TTC28: variants seen among roughly 807,000 people sequenced by gnomAD.
The protein encoded by TTC28 is tetratricopeptide repeat protein 28.
In TTC28, 61 loss-of-function variants were observed where a neutral mutation model predicts 198.0. The observed-to-expected ratio is 0.31, with a 90% CI of 0.25 to 0.38. TTC28 has a LOEUF of 0.38. TTC28 is among the 10% of genes least tolerant of loss of function. The probability of loss-of-function intolerance (pLI) is 1.00; values close to 1 mark genes in which losing one functional copy is unlikely to be tolerated. For missense variants in TTC28, 2,678 were observed against 3,164.0 expected (o/e 0.85, Z 3.69); for synonymous variants, 1,171 against 1,297.8 (o/e 0.90, Z 2.10).
intron 2 of TTC28, among the ~76,000 whole-genome samples, chr22:28,616,784 C>A (rs1472505011): frequency 6.6e-6 from 1 of 151,692 alleles, no homozygotes; most frequent in Non-Finnish European, 1.5e-5. Flanking sequence ...GATGTAGAGG[C>A]TGCAGTGGGC....
chr22:28,215,366 C>A (rs1458299249), intron 5 of TTC28, among the ~76,000 whole-genome samples: 1 of 152,178 alleles, frequency 6.6e-6, no homozygotes, highest in East Asian at 1.9e-4. Context: ...TTCACTACTG[C>A]AACCTCTGTG....
At chr22:28,205,594 A>G (rs934024311) in intron 5 of TTC28, among the ~76,000 whole-genome samples, 11 of 152,170 alleles carry the variant, frequency 7.2e-5, no homozygotes, top group Admixed American at 6.5e-4. Context: ...CTATTTGGCT[A>G]GTATGAATTA....
chr22:28,099,613 T>C (rs1159931243), intron 9 of TTC28, among the ~76,000 whole-genome samples: 1 of 152,214 alleles, frequency 6.6e-6, no homozygotes, highest in African/African-American at 2.4e-5. Context: ...ACAGTTTATA[T>C]AATCGATTTT....
At chr22:28,389,692 C>G (rs1442897216) in intron 2 of TTC28, among the ~76,000 whole-genome samples, 2 of 149,690 alleles carry the variant, frequency 1.3e-5, no homozygotes, top group Non-Finnish European at 3.0e-5. Context: ...GGTGATATCC[C>G]CTTTATCATT....
intron 5 of TTC28, among the ~76,000 whole-genome samples, chr22:28,164,590 G>A (rs1248045060): frequency 6.6e-6 from 1 of 152,190 alleles, no homozygotes; most frequent in Non-Finnish European, 1.5e-5. Flanking sequence ...GGTCCTGACT[G>A]TTAGAAGGAA....
intron 22 of TTC28, 77 bp from the exon 23 acceptor site, chr22:27,983,928 ATC>A (rs1268990104): frequency 7.1e-7 from 1 of 1,405,548 alleles, no homozygotes; most frequent in Non-Finnish European, 9.5e-7. Context: ...AATTTACGAC[ATC>A]TTTATATGCA....
intron 2 of TTC28, among the ~76,000 whole-genome samples, chr22:28,450,673 G>C (rs1290448943): frequency 6.6e-6 from 1 of 152,058 alleles, no homozygotes; most frequent in Non-Finnish European, 1.5e-5. Flanking sequence ...GGGCTGCAAA[G>C]TACCAGAAAT....
chr22:28,169,905 T>TA (rs201421741), intron 5 of TTC28, among the ~76,000 whole-genome samples: 12 of 150,198 alleles, frequency 8.0e-5, no homozygotes, highest in Non-Finnish European at 1.0e-4. Flanking sequence ...ATCATACTCT[T>TA]AAAAAAAAAA....
At chr22:28,192,283 A>G (rs912379771) in intron 5 of TTC28, among the ~76,000 whole-genome samples, 11 of 152,168 alleles carry the variant, frequency 7.2e-5, no homozygotes, top group African/African-American at 2.4e-4. Context: ...CCAAAACCCC[A>G]TCTGTATGTC....
At chr22:28,245,459 A>G (rs1930013952) in intron 5 of TTC28, among the ~76,000 whole-genome samples, 1 of 152,190 alleles carries the variant, frequency 6.6e-6, no homozygotes. Context: ...CCAGTTTTAT[A>G]GATGAGGAGG....
chr22:28,426,921 C>T (rs947805902), intron 2 of TTC28, among the ~76,000 whole-genome samples: 3 of 152,212 alleles, frequency 2.0e-5, no homozygotes, highest in African/African-American at 7.2e-5. Flanking sequence ...CATACCACCT[C>T]AAACTTATCT....
At chr22:28,299,907 G>A (rs180939242) in intron 3 of TTC28, among the ~76,000 whole-genome samples, 1 of 152,090 alleles carries the variant, frequency 6.6e-6, no homozygotes. Context: ...CTTGTAAACA[G>A]AAAAGAAACA....
chr22:28,468,080 G>A (rs1221525292), intron 2 of TTC28, among the ~76,000 whole-genome samples: 3 of 151,966 alleles, frequency 2.0e-5, no homozygotes, highest in Admixed American at 2.0e-4. Context: ...GCCCATAAGA[G>A]ATTTTTTTAT....
At chr22:28,283,171 C>T (rs146879237) in intron 5 of TTC28, among the ~76,000 whole-genome samples, 1 of 152,292 alleles carries the variant, frequency 6.6e-6, no homozygotes, top group East Asian at 1.9e-4. Context: ...GTAAGATACA[C>T]ACCCCAGAAA....
chr22:28,637,014 T>G (rs949798339), intron 1 of TTC28, among the ~76,000 whole-genome samples: 40 of 144,812 alleles, frequency 2.8e-4, no homozygotes, highest in Admixed American at 2.0e-3. Flanking sequence ...GTTTTTTTTT[T>G]TTTTTTTTTT....
At chr22:28,357,312 C>A (rs922329278) in intron 2 of TTC28, among the ~76,000 whole-genome samples, 2 of 110,066 alleles carry the variant, frequency 1.8e-5, no homozygotes, top group Admixed American at 2.2e-4. Context: ...TATCAAATTT[C>A]TTATTTTTTT....
intron 2 of TTC28, among the ~76,000 whole-genome samples, chr22:28,390,075 T>C (rs1428788620): frequency 2.0e-5 from 3 of 151,810 alleles, no homozygotes; most frequent in African/African-American, 7.3e-5. Context: ...AGAACATCTT[T>C]ATTTCTGCCT....
chr22:28,544,461 A>G (rs1011420422), intron 2 of TTC28, among the ~76,000 whole-genome samples: 5 of 152,210 alleles, frequency 3.3e-5, no homozygotes, highest in Non-Finnish European at 7.3e-5. Flanking sequence ...TCAACATGAT[A>G]TAAGGCTTCT....
chr22:28,119,576 C>T (rs1231590966), intron 6 of TTC28, among the ~76,000 whole-genome samples: 1 of 152,202 alleles, frequency 6.6e-6, no homozygotes, highest in Non-Finnish European at 1.5e-5. Context: ...CTTACAGGGC[C>T]TTTGCAAATG....
Sources: gnomAD v4.1 joint callset for allele counts (sites outside exome capture counted in the v4.1 genomes callset) on GRCh38, gnomAD v4.1.1 for gene constraint, MANE v1.5 for transcripts, NCBI Gene and HGNC (gene_info 2026-07-23, HGNC 2026-07-21) for gene names.